The following ZNF506 variants were observed in gnomAD, a reference collection of about 807,000 sequenced individuals.
ZNF506 encodes zinc finger protein 506.
Under a neutral mutation model 11.6 loss-of-function variants are expected in ZNF506, and 10 were observed. The observed-to-expected ratio is 0.86, with a 90% confidence interval of 0.53 to 1.46. ZNF506 has a LOEUF of 1.46. Ranked by LOEUF, ZNF506 falls within the 40% of genes most tolerant of loss-of-function variation. ZNF506 has a pLI of 0.00. For synonymous variants in ZNF506, 156 were observed against 173.3 expected, an observed-to-expected ratio of 0.90 and a Z score of 0.78; for missense variants, 425 against 521.2, an observed-to-expected ratio of 0.82 and a Z score of 1.80.
Position 19,794,505 on chromosome 19 carries a change from G to A in ZNF506, c.*47C>T, listed in dbSNP as rs751368531. ...TAGTCAGAGTCCAGGGCTAGTTAAA[G>A]GCTTTCCCACATTCATCACATTCAT... On this transcript the variant is annotated 3_prime_UTR_variant, in exon 4 of 4. Transcript: ENST00000540806. 6.5e-7 allele frequency: 1 copy of A among 1,528,998 alleles called. No individual in the cohort carries two copies. Among genetic ancestry groups the A allele is most frequent in the Admixed American group, 2.1e-5 (1 of 47,570 alleles). 94.7% of individuals were successfully genotyped at this position (1,528,998 alleles called of 1,614,324 possible).
intron 1 of ZNF506, among the ~76,000 whole-genome samples, chr19:19,816,300 C>T (rs1469658640): frequency 1.3e-5 from 2 of 151,984 alleles, no homozygotes; most frequent in Non-Finnish European, 2.9e-5. Flanking sequence ...TCTCCTCCCT[C>T]AGCTTCCCGA....
chr19:19,795,087 T>C lies in ZNF506; in HGVS notation c.800A>G (p.Asn267Ser), dbSNP rs2062728335. 6.2e-7 allele frequency: 1 copy of C among 1,613,758 alleles called. No homozygotes were observed. The highest frequency in any genetic ancestry group is 8.5e-7 in the Non-Finnish European group (1 of 1,179,908). Residue 267 changes from asparagine to serine, a missense_variant, in exon 4 of 4, where the codon AAC becomes AGC. Coordinates refer to ENST00000540806, the MANE Select transcript of ZNF506 (RefSeq NM_001099269.3). ...ATGTGAAAAAAGGGTTGCAGGGTGG[T>C]TAAAAGCTTTGCCACATTCTCTACA... ...YRCRECGKAFNHPATLFSHKK... is the reference protein window; with the variant it reads ...YRCRECGKAFSHPATLFSHKK...
chr19:19,808,870 T>C (rs542970251), intron 1 of ZNF506, among the ~76,000 whole-genome samples: 33 of 139,282 alleles, frequency 2.4e-4, no homozygotes, highest in African/African-American at 7.8e-4. Flanking sequence ...AAAAGAAACA[T>C]GTTTTATGCA....
intron 1 of ZNF506, among the ~76,000 whole-genome samples, chr19:19,810,158 C>A (rs4808993): frequency 0.17 from 26,130 of 152,178 alleles, 2,530 homozygotes; most frequent in East Asian, 0.42. Context: ...CCTGTCAATG[C>A]GGATGTTGCT....
In ZNF506 at chr19:19,793,837, C is replaced by T. The variant is rs1211659949; in HGVS notation, c.*715G>A. 6 of 152,170 alleles carry T rather than the reference C, an allele frequency of 3.9e-5. No individual in the cohort carries two copies. The highest frequency in any genetic ancestry group is 8.8e-5 in the Non-Finnish European group (6 of 68,036). 9.4% of individuals were successfully genotyped at this position (152,170 alleles called of 1,614,324 possible). On this transcript the variant is annotated 3_prime_UTR_variant, in exon 4 of 4. Coordinates refer to ENST00000540806, the MANE Select transcript of ZNF506 (RefSeq NM_001099269.3). ...TTGGCAGCATTAATTCTCTTACCTA[C>T]AATCAAGTGTGGCAACCATATAAAC...
chr19:19,812,991 T>G (rs1175716337), intron 1 of ZNF506, among the ~76,000 whole-genome samples: 2 of 152,202 alleles, frequency 1.3e-5, no homozygotes, highest in Admixed American at 6.5e-5. Flanking sequence ...GTTCTATATT[T>G]AAATACATCT....
intron 3 of ZNF506, among the ~76,000 whole-genome samples, chr19:19,804,906 G>C (rs2062823773): frequency 1.3e-5 from 2 of 152,056 alleles, no homozygotes; most frequent in South Asian, 4.1e-4. Flanking sequence ...ACACAGGGCA[G>C]GGAACATCAC....
intron 3 of ZNF506, chr19:19,797,799 A>C (rs574916118): frequency 8.5e-5 from 13 of 152,320 alleles, no homozygotes; most frequent in African/African-American, 3.1e-4. Flanking sequence ...ATAACCAATA[A>C]ATTGATCAAA....
intron 3 of ZNF506, chr19:19,797,447 A>T (rs566093834): frequency 1.3e-3 from 204 of 151,830 alleles, no homozygotes; most frequent in African/African-American, 4.6e-3. Flanking sequence ...AAAAAAAAAA[A>T]AAAAAAAACA....
At chr19:19,818,108 A>T (rs1425906260) in intron 1 of ZNF506, among the ~76,000 whole-genome samples, 4 of 152,194 alleles carry the variant, frequency 2.6e-5, no homozygotes, top group Admixed American at 6.5e-5. Flanking sequence ...GATTACAGGC[A>T]TGAGCCACCA....
At chr19:19,797,309 G>A (rs2062750504) in intron 3 of ZNF506, 1 of 151,990 alleles carries the variant, frequency 6.6e-6, no homozygotes, top group African/African-American at 2.4e-5. Context: ...AGCTAGCCGT[G>A]TTGACAGGCA....
At chr19:19,802,280 T>C (rs910727458) in intron 3 of ZNF506, among the ~76,000 whole-genome samples, 1 of 152,080 alleles carries the variant, frequency 6.6e-6, no homozygotes, top group East Asian at 1.9e-4. Flanking sequence ...AATGCAGGTA[T>C]TTTGAATCAC....
chr19:19,817,253 A>G (rs888299586), intron 1 of ZNF506, among the ~76,000 whole-genome samples: 1 of 152,012 alleles, frequency 6.6e-6, no homozygotes, highest in Non-Finnish European at 1.5e-5. Flanking sequence ...CTGATCTAAG[A>G]TCTGACTTTT....
At chr19:19,820,880 T>G (rs763489921) in intron 1 of ZNF506, among the ~76,000 whole-genome samples, 14 of 152,014 alleles carry the variant, frequency 9.2e-5, no homozygotes, top group Non-Finnish European at 1.8e-4. Flanking sequence ...TATTTGATAT[T>G]TTTGCGGTGA....
intron 3 of ZNF506, among the ~76,000 whole-genome samples, chr19:19,800,046 G>A (rs1374353628): frequency 1.3e-5 from 2 of 152,098 alleles, no homozygotes; most frequent in African/African-American, 2.4e-5. Context: ...CATTGCTACC[G>A]AAAGCCAACA....
chr19:19,808,290 A>AT (rs1328895776), intron 1 of ZNF506, among the ~76,000 whole-genome samples: 1 of 150,080 alleles, frequency 6.7e-6, no homozygotes, highest in Non-Finnish European at 1.5e-5. Context: ...GGCCCGGCTA[A>AT]TTTTTTATAT....
intron 1 of ZNF506, among the ~76,000 whole-genome samples, chr19:19,812,163 C>T (rs140322409): frequency 5.0e-4 from 76 of 152,330 alleles, no homozygotes; most frequent in African/African-American, 1.3e-3. Flanking sequence ...GATGAACAAA[C>T]ACAGATGACT....
At chr19:19,797,872 G>C (rs780395618) in intron 3 of ZNF506, 19 of 152,168 alleles carry the variant, frequency 1.2e-4, no homozygotes, top group Non-Finnish European at 2.2e-4. Flanking sequence ...AAAAAAAGAT[G>C]TCAAGTGGGA....
intron 3 of ZNF506, among the ~76,000 whole-genome samples, chr19:19,802,948 C>G (rs1306766298): frequency 6.6e-6 from 1 of 152,152 alleles, no homozygotes; most frequent in East Asian, 1.9e-4. Flanking sequence ...GGTAGGAGAA[C>G]TGCTTCAGGC....
Sources: gnomAD v4.1 joint callset for allele counts (sites outside exome capture counted in the v4.1 genomes callset) on GRCh38, gnomAD v4.1.1 for gene constraint, MANE v1.5 for transcripts, NCBI Gene and HGNC (gene_info 2026-07-23, HGNC 2026-07-21) for gene names.